Variants in PAIP2 observed in about 807,000 individuals in gnomAD.
The protein encoded by PAIP2 is polyadenylate-binding protein-interacting protein 2.
A neutral mutation model predicts 14.8 loss-of-function variants in PAIP2; 7 were observed. The ratio of observed to expected loss-of-function variants is 0.47; its 90% CI spans 0.27 to 0.89. The LOEUF is 0.89. Among genes scored for constraint, PAIP2 ranks in the 40% least tolerant of loss-of-function variants. The pLI is 0.13. For synonymous variants in PAIP2, 47 were observed against 45.3 expected (o/e 1.04, Z -0.15); for missense variants, 122 against 154.7 (o/e 0.79, Z 1.12).
intron 1 of PAIP2, among the ~76,000 whole-genome samples, chr5:139,349,895 G>A (rs1202377077): frequency 2.0e-5 from 3 of 151,890 alleles, no homozygotes; most frequent in Admixed American, 1.3e-4. Context: ...CCAGCTACTC[G>A]GGAGGCTGAG....
At chr5:139,355,162 C>G (rs1581306830) in intron 1 of PAIP2, among the ~76,000 whole-genome samples, 1 of 113,590 alleles carries the variant, frequency 8.8e-6, no homozygotes, top group Non-Finnish European at 1.9e-5. Flanking sequence ...CTATTTGTCT[C>G]TCTCTTTTTT....
intron 1 of PAIP2, among the ~76,000 whole-genome samples, chr5:139,344,962 C>T (rs1216648017): frequency 1.3e-5 from 2 of 151,942 alleles, no homozygotes; most frequent in Non-Finnish European, 2.9e-5. Context: ...ATGAGGAAAC[C>T]GAGACTCAGG....
chr5:139,351,983 A>G (rs991622918), intron 1 of PAIP2, among the ~76,000 whole-genome samples: 6 of 152,108 alleles, frequency 3.9e-5, no homozygotes, highest in Admixed American at 1.3e-4. Context: ...GCTGTCCAAA[A>G]ATTTTCAAAT....
intron 3 of PAIP2, among the ~76,000 whole-genome samples, chr5:139,366,571 G>C (rs759662606): frequency 1.8e-4 from 27 of 152,154 alleles, no homozygotes; most frequent in Non-Finnish European, 2.6e-4. Context: ...CTGGAGGGGG[G>C]TATGATTACT....
chr5:139,352,503 T>TTTTTTTTTTTTTTTTTTTTTTTTTTTTTG (rs1422182919), intron 1 of PAIP2, among the ~76,000 whole-genome samples: 8 of 124,468 alleles, frequency 6.4e-5, no homozygotes, highest in South Asian at 2.5e-4. Flanking sequence ...TTTTTTGTTG[T>TTTTTTTTTTTTTTTTTTTTTTTTTTTTTG]TTTTTTTTTT....
intron 1 of PAIP2, among the ~76,000 whole-genome samples, chr5:139,346,941 C>T (rs1756570172): frequency 6.6e-6 from 1 of 152,192 alleles, no homozygotes; most frequent in African/African-American, 2.4e-5. Flanking sequence ...TCCCGAGTAG[C>T]TGGGACTACA....
intron 1 of PAIP2, among the ~76,000 whole-genome samples, chr5:139,357,274 A>G (rs1197990303): frequency 6.6e-6 from 1 of 152,242 alleles, no homozygotes; most frequent in African/African-American, 2.4e-5. Flanking sequence ...ACATCTGCTC[A>G]GCACTGACAT....
At chr5:139,363,583 G>A (rs532413033) in intron 1 of PAIP2, among the ~76,000 whole-genome samples, 176 bp from the exon 2 acceptor site, 2 of 151,946 alleles carry the variant, frequency 1.3e-5, no homozygotes, top group African/African-American at 4.8e-5. Flanking sequence ...GCCGGGTGGT[G>A]TGGTGGTGCA....
chr5:139,353,469 T>C (rs1561959480), intron 1 of PAIP2, among the ~76,000 whole-genome samples: 1 of 152,162 alleles, frequency 6.6e-6, no homozygotes, highest in African/African-American at 2.4e-5. Context: ...TGTGTATTAT[T>C]TTCTTAAGGG....
intron 1 of PAIP2, among the ~76,000 whole-genome samples, chr5:139,352,649 T>C (rs935673992): frequency 6.6e-6 from 1 of 151,640 alleles, no homozygotes; most frequent in African/African-American, 2.4e-5. Flanking sequence ...TTTTGTGTTT[T>C]TAGTAGAGAC....
chr5:139,367,497 G>A (rs1052131094), intron 3 of PAIP2: 1 of 150,628 alleles, frequency 6.6e-6, no homozygotes, highest in Admixed American at 6.6e-5. Flanking sequence ...TTTAACTGAT[G>A]CAAAAATTTG....
intron 1 of PAIP2, among the ~76,000 whole-genome samples, chr5:139,358,573 G>A (rs1002002756): frequency 6.6e-5 from 10 of 151,908 alleles, no homozygotes; most frequent in African/African-American, 9.7e-5. Context: ...CACAAATACC[G>A]ATAACAGCAT....
At chr5:139,359,597 C>T (rs1290929977) in intron 1 of PAIP2, among the ~76,000 whole-genome samples, 4 of 152,132 alleles carry the variant, frequency 2.6e-5, no homozygotes, top group Non-Finnish European at 5.9e-5. Flanking sequence ...GGATCAATCC[C>T]AGCCATTCAC....
intron 1 of PAIP2, among the ~76,000 whole-genome samples, chr5:139,347,821 C>A (rs1257593909): frequency 6.6e-6 from 1 of 151,610 alleles, no homozygotes; most frequent in African/African-American, 2.4e-5. Flanking sequence ...GATAAATCCT[C>A]AGGTAGCCTT....
At chr5:139,345,828 C>T (rs146941244) in intron 1 of PAIP2, among the ~76,000 whole-genome samples, 4,735 of 151,952 alleles carry the variant, frequency 0.031, 127 homozygotes, top group Non-Finnish European at 0.042. Context: ...GGGGTTTCAC[C>T]GTGTTAGCCA....
At position 139,368,531 on chromosome 5, in the gene PAIP2, AAAAAG is replaced by A. The variant is rs139381490; in HGVS notation, c.319-192_319-188del. On this transcript the variant is annotated intron_variant, in intron 3 of 3. Coordinates refer to ENST00000265192, the MANE Select transcript of PAIP2 (RefSeq NM_016480.5). ...GCGACAGAGCAAGACTCCGTCACAA[AAAAAG>A]AAAAGAAAAAGTTGATGTAATTTAA... 9.7e-3 allele frequency among the ~76,000 whole-genome samples: 1,484 copies of A among 152,254 alleles called. 13 individuals carry two copies. The highest frequency in any genetic ancestry group is 0.041 in the Middle Eastern group (12 of 294).
chr5:139,367,338 G>T (rs770393589), intron 3 of PAIP2: 5 of 152,054 alleles, frequency 3.3e-5, no homozygotes, highest in Non-Finnish European at 7.4e-5. Flanking sequence ...TCAACTTGCA[G>T]TCTAAAATAT....
intron 1 of PAIP2, among the ~76,000 whole-genome samples, chr5:139,346,959 G>A (rs546840272): frequency 1.3e-5 from 2 of 152,058 alleles, no homozygotes; most frequent in African/African-American, 2.4e-5. Flanking sequence ...ACAGCTGTGC[G>A]CCACCATGCC....
intron 1 of PAIP2, among the ~76,000 whole-genome samples, chr5:139,345,769 A>G (rs1756526116): frequency 6.6e-6 from 1 of 151,894 alleles, no homozygotes; most frequent in South Asian, 2.1e-4. Flanking sequence ...CTGGGACTAC[A>G]GACGCTTGCC....
Sources: gnomAD v4.1 joint callset for allele counts (sites outside exome capture counted in the v4.1 genomes callset) on GRCh38, gnomAD v4.1.1 for gene constraint, MANE v1.5 for transcripts, NCBI Gene and HGNC (gene_info 2026-07-23, HGNC 2026-07-21) for gene names.